Variants in ADGRB2 observed in about 807,000 individuals in gnomAD.
The protein encoded by ADGRB2 is brain-specific angiogenesis inhibitor 2.
Under a neutral mutation model 178.7 loss-of-function variants are expected in ADGRB2, and 47 were observed. The observed-to-expected ratio is 0.26, with a 90% CI of 0.21 to 0.34. The LOEUF is 0.34. Among genes scored for constraint, ADGRB2 ranks in the 10% least tolerant of loss-of-function variants. ADGRB2 has a pLI of 1.00. For synonymous variants in ADGRB2, 870 were observed against 912.4 expected, an observed-to-expected ratio of 0.95 and a Z score of 0.84; for missense variants, 1,584 against 2,180.8, an observed-to-expected ratio of 0.73 and a Z score of 5.45.
At chr1:31,747,697 G>T (rs369814910) in intron 4 of ADGRB2, among the ~76,000 whole-genome samples, 33 of 152,260 alleles carry the variant, frequency 2.2e-4, no homozygotes, top group African/African-American at 7.7e-4. Flanking sequence ...TTGACCCCCA[G>T]GGAATGCCAG....
At position 31,756,079 on chromosome 1, in the gene ADGRB2, G is replaced by A. The variant is rs756348604; in HGVS notation, c.758C>T (p.Pro253Leu). ...AAHTLSNALV[P>L]GGPAPPAEAD... ...CTCAGCAGGTGGGGCTGGGCCCCCGGGCACCAGGGCATTGGACAGGGTGTG... is the reference window on the plus strand; with the variant it reads ...CTCAGCAGGTGGGGCTGGGCCCCCGAGCACCAGGGCATTGGACAGGGTGTG... Residue 253 changes from proline (P) to leucine (L), a missense_variant, in exon 4 of 33, where the codon CCC becomes CTC. Pro to Leu is a moderately conservative substitution (Grantham distance 98, BLOSUM62 -3). This residue lies in a region of ADGRB2 where 657 missense variants were observed against 847.6 expected (regional missense o/e 0.78). Transcript: ENST00000373658. This position sits in a 1 kb window ranked among gnomAD's most constrained non-coding sequence, Gnocchi z 8.5. The A allele has an allele frequency of 7.4e-6, 12 of 1,613,898 alleles. No individual in the cohort carries two copies. The highest frequency in any genetic ancestry group is 1.1e-5 in the South Asian group (1 of 91,076).
At chr1:31,757,534 G>A (rs1451525241) in intron 1 of ADGRB2, 23 bp from the exon 2 acceptor site, 2 of 381,858 alleles carry the variant, frequency 5.2e-6, no homozygotes, top group East Asian at 4.6e-5. Context: ...AGGGGGAGAG[G>A]CACCGAGTAA....
chr1:31,757,914 G>A (rs1646915806), intron 1 of ADGRB2, among the ~76,000 whole-genome samples: 1 of 152,150 alleles, frequency 6.6e-6, no homozygotes, highest in Admixed American at 6.5e-5. Context: ...CCAGGTGTGG[G>A]TGGGCACCTA....
At position 31,744,315 on chromosome 1, in the gene ADGRB2, G is replaced by C; in HGVS notation, c.965C>G (p.Ser322Cys). The change falls in exon 6 of 33, where the codon TCC becomes TGC. Residue 322 changes from serine (S) to cysteine (C), a missense_variant. Transcript: ENST00000373658. The surrounding 1 kb of genome is among the most constrained non-coding windows in gnomAD (Gnocchi z 6.7). The part of the protein sequence containing the change: ...AEEWSPWSVC[S>C]LTCGQGLQVR... The stretch of plus-strand genomic sequence containing the variant: ...CTGCAGACCCTGCCCACACGTCAGG[G>C]AACACACGCTCCACGGGGACCACTC... 1 of 1,551,342 alleles carries C rather than the reference G, an allele frequency of 6.4e-7. No individual in the cohort carries two copies. Among genetic ancestry groups the C allele is most frequent in the Non-Finnish European group, 8.7e-7 (1 of 1,146,908 alleles).
At position 31,742,933 on chromosome 1, in the gene ADGRB2, C is replaced by T; in HGVS notation, c.1157G>A (p.Ser386Asn). 6.5e-7 allele frequency: 1 copy of T among 1,541,368 alleles called. No homozygotes were observed. The highest frequency in any genetic ancestry group is 2.5e-5 in the East Asian group (1 of 40,328). The change falls in exon 7 of 33, where the codon AGC becomes AAC. Residue 386 changes from serine (S) to asparagine (N), a missense_variant. Transcript: ENST00000373658. Reference protein sequence around the residue: ...CSRSCGRGSRSRMRTCVPPQH... With the variant: ...CSRSCGRGSRNRMRTCVPPQH... ...GGGGGGCACGCAGGTCCGCATCCGG[C>T]TCCGGGACCCCCGCCCGCAGCTGCG...
At chr1:31,738,999 G>C in intron 15 of ADGRB2, 62 bp from the exon 16 acceptor site, 1 of 1,450,922 alleles carries the variant, frequency 6.9e-7, no homozygotes, top group South Asian at 1.2e-5. Context: ...CAGAAACCCT[G>C]AAGCCGCTTT....
rs1645748229 is a variant in ADGRB2 at position 31,738,449 on chromosome 1, G to C, written c.2646-123C>G. ...GCCACATCCACGAGGCAACAGCAGG[G>C]AGTCCCAGGATACGTTCTTGACCCC... On this transcript the variant is annotated intron_variant, in intron 17 of 32. Transcript: ENST00000373658. 6.5e-6 allele frequency: 10 copies of C among 1,536,758 alleles called. No homozygotes were observed. In the South Asian group the frequency reaches 1.2e-4, roughly 18 times the overall value.
Position 31,761,345 on chromosome 1 carries a change from C to T in ADGRB2, c.-191+2539G>A, listed in dbSNP as rs952260530. On this transcript the variant is annotated intron_variant, in intron 1 of 32. Coordinates refer to ENST00000373658, the MANE Select transcript of ADGRB2 (RefSeq NM_001364857.2). The surrounding 1 kb of genome is among the most constrained non-coding windows in gnomAD (Gnocchi z 4.2). Reference sequence around the variant, plus strand: ...CAGGCCCTCAGGCCCGGTGGCCCTGCTAACTCTGACCCAAGGCAAAGGGCC... The same window carrying T: ...CAGGCCCTCAGGCCCGGTGGCCCTGTTAACTCTGACCCAAGGCAAAGGGCC... 9.2e-5 allele frequency among the ~76,000 whole-genome samples: 14 copies of T among 152,224 alleles called. No homozygotes were observed. Among genetic ancestry groups the T allele is most frequent in the African/African-American group, 1.4e-4 (6 of 41,466 alleles).
chr1:31,733,757 G>T lies in ADGRB2; in HGVS notation c.3453-614C>A, dbSNP rs539067983. Among the ~76,000 whole-genome samples the T allele has an allele frequency of 6.6e-6, 1 of 152,268 alleles. No homozygotes were observed. Among genetic ancestry groups the T allele is most frequent in the South Asian group, 2.1e-4 (1 of 4,824 alleles). ...GGACTGCTCAGAGCCTTGGGCAGAA[G>T]GCTCAGAGCTGGGGCTAAAAGCTGG... On this transcript the variant is annotated intron_variant, in intron 25 of 32. Transcript: ENST00000373658. The surrounding 1 kb of genome is among the most constrained non-coding windows in gnomAD (Gnocchi z 4.3).
rs374071003 is a variant in ADGRB2, at chr1:31,732,208, G to A, written c.3721-54C>T. 2,558 of 1,610,226 alleles carry A rather than the reference G, an allele frequency of 1.6e-3. 1 individual carries two copies. The highest frequency in any genetic ancestry group is 2.0e-3 in the Non-Finnish European group (2,383 of 1,176,922). On this transcript the variant is annotated intron_variant, in intron 27 of 32. Transcript: ENST00000373658. ...GCAGAGGGAGGATTAATGTATCAGG[G>A]TGGGAGGAGGCTCAGGCCCTCCCCA...
chr1:31,742,108 G>A lies in ADGRB2; in HGVS notation c.1362C>T (p.Ala454=). The A allele has an allele frequency of 6.2e-7, 1 of 1,613,180 alleles. No homozygotes were observed. The highest frequency in any genetic ancestry group is 8.5e-7 in the Non-Finnish European group (1 of 1,179,834). Reference sequence around the variant, plus strand: ...TGTCAGTGAGGGCACCCGTGCATGTGGCCCAGGCTGGGCCCGCCACGCTGC... The same window carrying A: ...TGTCAGTGAGGGCACCCGTGCATGTAGCCCAGGCTGGGCCCGCCACGCTGC... The part of the protein sequence containing the change: ...RKCSVAGPAW[A]TCTGALTDTR... Residue 454 remains alanine (A), a synonymous_variant, in exon 8 of 33, where the codon GCC becomes GCT. Coordinates refer to ENST00000373658, the MANE Select transcript of ADGRB2 (RefSeq NM_001364857.2).
chr1:31,759,694 G>T lies in ADGRB2; in HGVS notation c.-190-2183C>A. Among the ~76,000 whole-genome samples, 1 of 152,090 alleles carries T rather than the reference G, an allele frequency of 6.6e-6. No homozygotes were observed. Among genetic ancestry groups the T allele is most frequent in the East Asian group, 1.9e-4 (1 of 5,192 alleles). On this transcript the variant is annotated intron_variant, in intron 1 of 32. Coordinates refer to ENST00000373658, the MANE Select transcript of ADGRB2 (RefSeq NM_001364857.2). The surrounding 1 kb of genome is among the most constrained non-coding windows in gnomAD (Gnocchi z 4.3). ...ATTACTTCCCACCATTCAAAATAAG[G>T]CAAAGACCCAATTCCAAGCTGGGTC...
chr1:31,760,310 C>A (rs1201841517), intron 1 of ADGRB2, among the ~76,000 whole-genome samples: 3 of 152,142 alleles, frequency 2.0e-5, no homozygotes, highest in Non-Finnish European at 4.4e-5. Context: ...CCTACCAAGG[C>A]CCCTCCTCTA....
intron 20 of ADGRB2, 54 bp from the exon 21 acceptor site, chr1:31,736,777 G>T: frequency 6.4e-7 from 1 of 1,573,758 alleles, no homozygotes. Flanking sequence ...CAGGGCAGGA[G>T]GCGCCGGGCT....
intron 18 of ADGRB2, 53 bp downstream of exon 18, chr1:31,738,147 G>A: frequency 6.3e-7 from 1 of 1,595,670 alleles, no homozygotes; most frequent in Non-Finnish European, 8.6e-7. Context: ...GATGGCTGCT[G>A]GAAGCCCAGG....
Position 31,727,978 on chromosome 1 carries a change from C to A in ADGRB2, c.4572+47G>T. 6.6e-7 allele frequency: 1 copy of A among 1,519,228 alleles called. No homozygotes were observed. The highest frequency in any genetic ancestry group is 8.8e-7 in the Non-Finnish European group (1 of 1,136,318). The allele number at this position is 1,519,228 out of a possible 1,614,324, so 94.1% of individuals were successfully genotyped here. A position where few individuals can be genotyped will look rare whatever the true frequency, so the allele number is the denominator to read the frequency against. ...GAGGGGCAGGAGGGCAGGGAGGGCA[C>A]GGGTCCCTCAGGCCCACCTCACCCC... On this transcript the variant is annotated intron_variant, in intron 32 of 32. Coordinates refer to ENST00000373658, the MANE Select transcript of ADGRB2 (RefSeq NM_001364857.2). This position sits in a 1 kb window ranked among gnomAD's most constrained non-coding sequence, Gnocchi z 4.4.
At position 31,733,522 on chromosome 1, in the gene ADGRB2, T is replaced by A. The variant is rs1645407453; in HGVS notation, c.3453-379A>T. Among the ~76,000 whole-genome samples the A allele has an allele frequency of 6.6e-6, 1 of 152,066 alleles. No individual in the cohort carries two copies. Among genetic ancestry groups the A allele is most frequent in the Middle Eastern group, 3.4e-3 (1 of 294 alleles). The stretch of plus-strand genomic sequence containing the variant: ...CGGGACGGCATCCCCAGAGCCTAAC[T>A]GGGTAGGCTGGGGAGGGGGACTGGA... On this transcript the variant is annotated intron_variant, in intron 25 of 32. Transcript: ENST00000373658. The surrounding 1 kb of genome is among the most constrained non-coding windows in gnomAD (Gnocchi z 4.3).
At position 31,727,238 on chromosome 1, in the gene ADGRB2, A is replaced by G; in HGVS notation, c.*182T>C. Reference sequence around the variant, plus strand: ...GCTGAGGGGCCTCTGAGAAACAAGGAAGGGCCCTGGGACCCCAGGCCAAGC... The same window carrying G: ...GCTGAGGGGCCTCTGAGAAACAAGGGAGGGCCCTGGGACCCCAGGCCAAGC... On this transcript the variant is annotated 3_prime_UTR_variant, in exon 33 of 33. Transcript: ENST00000373658. This position sits in a 1 kb window ranked among gnomAD's most constrained non-coding sequence, Gnocchi z 4.4. 1.6e-6 allele frequency: 1 copy of G among 626,112 alleles called. No homozygotes were observed. The highest frequency in any genetic ancestry group is 2.5e-6 in the Non-Finnish European group (1 of 400,148). 38.8% of individuals were successfully genotyped at this position (626,112 alleles called of 1,614,324 possible). A position where few individuals can be genotyped will look rare whatever the true frequency, so the allele number is the denominator to read the frequency against.
At position 31,756,499 on chromosome 1, in the gene ADGRB2, C is replaced by A; in HGVS notation, c.338G>T (p.Ser113Ile). The change falls in exon 4 of 33, where the codon AGC becomes ATC. Residue 113 changes from serine to isoleucine, a missense_variant. This residue lies in a region of ADGRB2 where 657 missense variants were observed against 847.6 expected (regional missense o/e 0.78). Transcript: ENST00000373658. This position sits in a 1 kb window ranked among gnomAD's most constrained non-coding sequence, Gnocchi z 8.5. ...YLVNFTCLRP[S>I]PEEAVAQAES... ...CGCCTGGGCCACCGCCTCCTCGGGG[C>A]TAGGCCGCAGGCAGGTAAAGTTGAC... 1 of 1,612,830 alleles carries A rather than the reference C, an allele frequency of 6.2e-7. No individual in the cohort carries two copies. The highest frequency in any genetic ancestry group is 2.2e-5 in the East Asian group (1 of 44,844).
Sources: allele counts gnomAD v4.1 joint callset (sites outside exome capture counted in the v4.1 genomes callset), GRCh38; gene constraint gnomAD v4.1.1; regional missense constraint gnomAD v4.1.1; non-coding constraint Gnocchi (gnomAD v3.1); transcripts MANE v1.5; gene names NCBI Gene and HGNC (gene_info 2026-07-23, HGNC 2026-07-21).